The following SLC5A12 variants were observed in gnomAD, a reference collection of about 807,000 sequenced individuals.
SLC5A12 encodes the protein sodium-coupled monocarboxylate transporter 2.
In SLC5A12, 46 loss-of-function variants were observed where a neutral mutation model predicts 72.7. The ratio of observed to expected loss-of-function variants is 0.63; its 90% CI spans 0.50 to 0.81. The LOEUF (loss-of-function observed/expected upper bound fraction) is 0.81, where lower values mean the gene tolerates loss of function less well. SLC5A12 is among the 30% of genes least tolerant of loss of function. The probability of loss-of-function intolerance (pLI) is 0.00; values close to 1 mark genes in which losing one functional copy is unlikely to be tolerated. For missense variants in SLC5A12, 683 were observed against 740.7 expected, an observed-to-expected ratio of 0.92 and a Z score of 0.90; for synonymous variants, 275 against 264.4, an observed-to-expected ratio of 1.04 and a Z score of -0.39.
intron 4 of SLC5A12, among the ~76,000 whole-genome samples, chr11:26,705,022 T>C (rs1193442707): frequency 1.3e-5 from 2 of 151,972 alleles, no homozygotes; most frequent in African/African-American, 2.4e-5. Context: ...ATACAATGAT[T>C]AGGCAAGAGG....
intron 14 of SLC5A12, among the ~76,000 whole-genome samples, chr11:26,673,005 G>C (rs1854178946): frequency 6.6e-6 from 1 of 152,106 alleles, no homozygotes; most frequent in African/African-American, 2.4e-5. Flanking sequence ...TTTACCCAAA[G>C]AATGTAGGAC....
chr11:26,713,246 T>C (rs1371653652), intron 1 of SLC5A12, among the ~76,000 whole-genome samples: 1 of 152,152 alleles, frequency 6.6e-6, no homozygotes, highest in East Asian at 1.9e-4. Flanking sequence ...GATCCCAAGC[T>C]TGATATTCCA....
At chr11:26,673,072 T>C (rs1259255690) in intron 14 of SLC5A12, among the ~76,000 whole-genome samples, 1 of 152,150 alleles carries the variant, frequency 6.6e-6, no homozygotes, top group Non-Finnish European at 1.5e-5. Context: ...CTTTGAACTA[T>C]TATAGGAGAA....
intron 6 of SLC5A12, among the ~76,000 whole-genome samples, chr11:26,699,652 G>A (rs1421142616): frequency 6.6e-6 from 1 of 152,120 alleles, no homozygotes; most frequent in African/African-American, 2.4e-5. Context: ...AATTGCATTA[G>A]TTGTACTCTT....
At chr11:26,722,660 C>T (rs1855503633), upstream of SLC5A12, among the ~76,000 whole-genome samples, 1 of 152,110 alleles carries the variant, frequency 6.6e-6, no homozygotes, top group Non-Finnish European at 1.5e-5. Flanking sequence ...AGGTTACTAT[C>T]ACTGTACCCA....
intron 8 of SLC5A12, among the ~76,000 whole-genome samples, chr11:26,695,805 T>C (rs1427348296): frequency 6.6e-6 from 1 of 152,140 alleles, no homozygotes; most frequent in Middle Eastern, 3.2e-3. Flanking sequence ...CATAAAGGCT[T>C]GTTGTGATCT....
At chr11:26,673,574 T>C (rs1195232382) in intron 13 of SLC5A12, 45 bp from the exon 14 acceptor site, 5 of 1,520,880 alleles carry the variant, frequency 3.3e-6, no homozygotes, top group African/African-American at 1.4e-5. Flanking sequence ...CAGGCCTCCA[T>C]GTCTTCCTTT....
rs900520733 is a variant in SLC5A12, at chr11:26,669,667, T to C, written c.*1435A>G. The C allele has an allele frequency of 9.2e-5, 14 of 151,884 alleles. No individual in the cohort carries two copies. Among genetic ancestry groups the C allele is most frequent in the Admixed American group, 9.2e-4 (14 of 15,234 alleles). 9.4% of individuals were successfully genotyped at this position (151,884 alleles called of 1,614,324 possible). A position where few individuals can be genotyped will look rare whatever the true frequency, so the allele number is the denominator to read the frequency against. The stretch of plus-strand genomic sequence containing the variant: ...ATTCCTCCACTGATTTGTCTGTCTT[T>C]CTATCTTTTCTAATAATAAATACTG... On this transcript the variant is annotated 3_prime_UTR_variant, in exon 15 of 15. Coordinates refer to ENST00000396005, the MANE Select transcript of SLC5A12 (RefSeq NM_178498.4).
chr11:26,705,221 T>G (rs1227695914), intron 4 of SLC5A12, among the ~76,000 whole-genome samples: 1 of 151,932 alleles, frequency 6.6e-6, no homozygotes, highest in African/African-American at 2.4e-5. Context: ...GAATTACAGT[T>G]GGGAACATTT....
chr11:26,704,050 C>A, intron 4 of SLC5A12, 103 bp from the exon 5 acceptor site: 1 of 1,227,380 alleles, frequency 8.1e-7, no homozygotes, highest in Non-Finnish European at 1.2e-6. Context: ...TTTGTTTATT[C>A]AGCATCAGCC....
rs534422747 is a variant in SLC5A12, at chr11:26,697,425, C to T, written c.952-173G>A. Among the ~76,000 whole-genome samples the T allele has an allele frequency of 3.9e-5, 6 of 152,214 alleles. No homozygotes were observed. In the South Asian group the frequency reaches 6.2e-4, roughly 16 times the overall value. ...GTTTATTTTCCTTGTTTTCAATATA[C>T]GCCATTTTCTTTCGTGTTTATCCTG... On this transcript the variant is annotated intron_variant, in intron 7 of 14. Coordinates refer to ENST00000396005, the MANE Select transcript of SLC5A12 (RefSeq NM_178498.4).
At chr11:26,683,293 T>A (rs1854450976) in intron 11 of SLC5A12, among the ~76,000 whole-genome samples, 1 of 152,174 alleles carries the variant, frequency 6.6e-6, no homozygotes, top group South Asian at 2.1e-4. Flanking sequence ...GATCCAGCTG[T>A]CAGAACCCAA....
At chr11:26,687,317 G>T (rs1420937512) in intron 9 of SLC5A12, among the ~76,000 whole-genome samples, 2 of 151,118 alleles carry the variant, frequency 1.3e-5, no homozygotes, top group Non-Finnish European at 2.9e-5. Flanking sequence ...AAACAATAGA[G>T]AGAAAGATAG....
intron 8 of SLC5A12, among the ~76,000 whole-genome samples, chr11:26,694,786 T>A (rs1178038814): frequency 6.6e-6 from 1 of 152,152 alleles, no homozygotes; most frequent in African/African-American, 2.4e-5. Flanking sequence ...CAGATAAACA[T>A]CTTTTCTAAA....
rs2133150430 is a variant in SLC5A12, at chr11:26,683,848, G to T, written c.1222-5C>A. On this transcript the variant is annotated splice_region_variant and splice_polypyrimidine_tract_variant and intron_variant, in intron 10 of 14. Transcript: ENST00000396005. ...GCCGTGAATGCTGAGGGAAGCCTGT[G>T]GAACAAAGGCAGACCAGATGAATCC... 6.3e-7 allele frequency: 1 copy of T among 1,587,856 alleles called. No individual in the cohort carries two copies. Among genetic ancestry groups the T allele is most frequent in the South Asian group, 1.1e-5 (1 of 86,980 alleles).
chr11:26,674,571 T>G (rs1301730013), intron 13 of SLC5A12, among the ~76,000 whole-genome samples: 2 of 152,006 alleles, frequency 1.3e-5, no homozygotes, highest in Non-Finnish European at 2.9e-5. Context: ...GGCTAATTTT[T>G]TGCATTCTTT....
At chr11:26,681,638 C>G (rs1854413542) in intron 11 of SLC5A12, among the ~76,000 whole-genome samples, 1 of 152,058 alleles carries the variant, frequency 6.6e-6, no homozygotes, top group African/African-American at 2.4e-5. Context: ...ATCTCTCTTC[C>G]TAAGTAACCA....
intron 4 of SLC5A12, among the ~76,000 whole-genome samples, chr11:26,705,220 T>C (rs1273587514): frequency 1.3e-5 from 2 of 151,916 alleles, no homozygotes; most frequent in African/African-American, 2.4e-5. Flanking sequence ...AGAATTACAG[T>C]TGGGAACATT....
At position 26,673,502 on chromosome 11, in the gene SLC5A12, G is replaced by A; in HGVS notation, c.1607C>T (p.Pro536Leu). Residue 536 changes from proline (P) to leucine (L), a missense_variant, in exon 14 of 15, where the codon CCA (proline) becomes CTA (leucine). Physicochemically the swap from Pro to Leu is moderately conservative, Grantham distance 98. Transcript: ENST00000396005. ...TGRQRGEDIQ[P>L]LLIRPVCNLF... ...ATTACAAACTGGTCTAATTAACAGT[G>A]GTTGAATATCCTCACCTCTTTGGCG... The A allele has an allele frequency of 1.2e-6, 2 of 1,609,926 alleles. No individual in the cohort carries two copies. The highest frequency in any genetic ancestry group is 1.7e-6 in the Non-Finnish European group (2 of 1,178,022).
Sources: gnomAD v4.1 joint callset for allele counts (sites outside exome capture counted in the v4.1 genomes callset) on GRCh38, gnomAD v4.1.1 for gene constraint, MANE v1.5 for transcripts, NCBI Gene and HGNC (gene_info 2026-07-23, HGNC 2026-07-21) for gene names.